Variants in FGF14 observed in about 807,000 individuals in gnomAD.
FGF14 encodes fibroblast growth factor homologous factor 4.
In FGF14, 5 loss-of-function variants were observed where a neutral mutation model predicts 25.5. The ratio of observed to expected loss-of-function variants is 0.20; its 90% CI spans 0.10 to 0.41. The LOEUF is 0.41. Among genes scored for constraint, FGF14 ranks in the 10% least tolerant of loss-of-function variants. FGF14 has a pLI of 1.00. For missense variants in FGF14, 222 were observed against 320.1 expected (o/e 0.69, Z 2.34); for synonymous variants, 138 against 118.3 (o/e 1.17, Z -1.08).
At chr13:102,255,003 G>A (rs1392837643) in intron 1 of FGF14, among the ~76,000 whole-genome samples, 2 of 152,170 alleles carry the variant, frequency 1.3e-5, no homozygotes, top group Non-Finnish European at 2.9e-5. Context: ...TACCATTCCT[G>A]CTTTGGAAGA....
At chr13:102,178,687 A>G (rs1273526524) in intron 1 of FGF14, among the ~76,000 whole-genome samples, 1 of 152,154 alleles carries the variant, frequency 6.6e-6, no homozygotes, top group Non-Finnish European at 1.5e-5. Flanking sequence ...GATGGTCTCC[A>G]GTTCCATCCA....
intron 1 of FGF14, among the ~76,000 whole-genome samples, chr13:102,110,680 T>C (rs921982303): frequency 1.3e-5 from 2 of 152,136 alleles, no homozygotes; most frequent in Non-Finnish European, 2.9e-5. Context: ...ATGTCTGTCA[T>C]ACACGCCTGT....
intron 1 of FGF14, among the ~76,000 whole-genome samples, chr13:102,281,431 C>T (rs895534085): frequency 6.6e-6 from 1 of 152,106 alleles, no homozygotes; most frequent in Non-Finnish European, 1.5e-5. Context: ...TTTGGTCCCA[C>T]CTCATCTCCC....
intron 3 of FGF14, among the ~76,000 whole-genome samples, chr13:101,800,842 C>T (rs2040831008): frequency 6.6e-6 from 1 of 152,166 alleles, no homozygotes; most frequent in African/African-American, 2.4e-5. Context: ...AAAAAGTGTG[C>T]AGCTGTGCTC....
intron 1 of FGF14, among the ~76,000 whole-genome samples, chr13:102,189,016 A>AAGAAAGAAAAAG (rs2049008080): frequency 1.4e-5 from 1 of 69,342 alleles, no homozygotes; most frequent in Non-Finnish European, 2.9e-5. Flanking sequence ...AAGAGAAAGA[A>AAGAAAGAAAAAG]TGAAAGAAGA....
intron 1 of FGF14, among the ~76,000 whole-genome samples, chr13:101,910,456 G>T (rs563407935): frequency 6.6e-6 from 1 of 152,010 alleles, no homozygotes; most frequent in Non-Finnish European, 1.5e-5. Flanking sequence ...ACTTTGAAGT[G>T]GCCCTTCCCT....
At chr13:101,957,327 G>A (rs1278405912) in intron 1 of FGF14, among the ~76,000 whole-genome samples, 3 of 152,094 alleles carry the variant, frequency 2.0e-5, no homozygotes, top group African/African-American at 7.2e-5. Context: ...AAGCAGGTGA[G>A]AGTAGAAGAA....
At chr13:101,909,066 C>T (rs1370280336) in intron 1 of FGF14, among the ~76,000 whole-genome samples, 6 of 152,168 alleles carry the variant, frequency 3.9e-5, no homozygotes, top group Admixed American at 3.3e-4. Flanking sequence ...GGATCCCTTC[C>T]TTACACCTTA....
intron 1 of FGF14, among the ~76,000 whole-genome samples, chr13:102,334,160 A>G (rs1306590143): frequency 1.3e-5 from 2 of 152,152 alleles, no homozygotes; most frequent in African/African-American, 2.4e-5. Flanking sequence ...CCACCCATTT[A>G]TCTCCTCTGT....
At chr13:102,120,305 CAAAG>C (rs1417452044) in intron 1 of FGF14, among the ~76,000 whole-genome samples, 1 of 152,158 alleles carries the variant, frequency 6.6e-6, no homozygotes, top group Non-Finnish European at 1.5e-5. Context: ...GGGAAAAAAG[CAAAG>C]AAAGTGGAAA....
intron 1 of FGF14, among the ~76,000 whole-genome samples, chr13:102,340,296 T>C (rs771830042): frequency 3.9e-5 from 6 of 152,144 alleles, no homozygotes; most frequent in Admixed American, 6.6e-5. Flanking sequence ...TCAGAAGCAA[T>C]TGCGTTTCAC....
At chr13:101,890,185 C>T (rs2046197514) in intron 1 of FGF14, among the ~76,000 whole-genome samples, 1 of 152,116 alleles carries the variant, frequency 6.6e-6, no homozygotes, top group African/African-American at 2.4e-5. Context: ...GCGAGGGCTT[C>T]AGTACTAGAT....
At chr13:102,092,535 C>A (rs1162470185) in intron 1 of FGF14, among the ~76,000 whole-genome samples, 1 of 152,164 alleles carries the variant, frequency 6.6e-6, no homozygotes, top group African/African-American at 2.4e-5. Flanking sequence ...ATGCTTCTTT[C>A]CACTTGGCAA....
intron 3 of FGF14, among the ~76,000 whole-genome samples, chr13:101,753,163 T>C (rs185730675): frequency 6.6e-6 from 1 of 152,274 alleles, no homozygotes; most frequent in Admixed American, 6.5e-5. Flanking sequence ...TCTTGCAACA[T>C]TTTAAATATA....
chr13:102,146,171 T>G (rs755494708), intron 1 of FGF14, among the ~76,000 whole-genome samples: 7 of 152,216 alleles, frequency 4.6e-5, no homozygotes, highest in African/African-American at 7.2e-5. Flanking sequence ...AAAAAAGTTT[T>G]GTTCTATTTT....
chr13:102,386,483 C>T (rs2058306383), intron 1 of FGF14, among the ~76,000 whole-genome samples: 1 of 152,094 alleles, frequency 6.6e-6, no homozygotes, highest in Admixed American at 6.6e-5. Flanking sequence ...TGAAAGGATA[C>T]ATAAAAAATG....
chr13:102,006,927 G>A (rs957601223), intron 1 of FGF14, among the ~76,000 whole-genome samples: 2 of 150,436 alleles, frequency 1.3e-5, no homozygotes, highest in African/African-American at 4.9e-5. Flanking sequence ...TGTATTTTTA[G>A]TAGAGACGGG....
At chr13:102,115,191 A>T (rs1253815796) in intron 1 of FGF14, among the ~76,000 whole-genome samples, 1 of 152,138 alleles carries the variant, frequency 6.6e-6, no homozygotes, top group Non-Finnish European at 1.5e-5. Flanking sequence ...CCTTCTTGTT[A>T]GAGGTTACCC....
At chr13:101,903,522 T>A (rs189933080) in intron 1 of FGF14, among the ~76,000 whole-genome samples, 2 of 152,184 alleles carry the variant, frequency 1.3e-5, no homozygotes, top group East Asian at 1.9e-4. Context: ...AACAGACTTT[T>A]AGTGGAGACT....
Sources: gnomAD v4.1 joint callset for allele counts (sites outside exome capture counted in the v4.1 genomes callset) on GRCh38, gnomAD v4.1.1 for gene constraint, MANE v1.5 for transcripts, NCBI Gene and HGNC (gene_info 2026-07-23, HGNC 2026-07-21) for gene names.